EPB41L3: variants seen among roughly 807,000 people sequenced by gnomAD.
EPB41L3 encodes the protein band 4.1-like protein 3.
A neutral mutation model predicts 127.1 loss-of-function variants in EPB41L3; 57 were observed. The observed-to-expected ratio is 0.45, with a 90% CI of 0.36 to 0.56. EPB41L3 has a LOEUF of 0.56. Among genes scored for constraint, EPB41L3 ranks in the 20% least tolerant of loss-of-function variants. EPB41L3 has a pLI of 0.00. For synonymous variants in EPB41L3, 572 were observed against 549.5 expected (o/e 1.04, Z -0.57); for missense variants, 1,273 against 1,372.2 (o/e 0.93, Z 1.14).
intron 2 of EPB41L3, chr18:5,480,864 T>C (rs187256075): frequency 1.4e-4 from 22 of 152,274 alleles, no homozygotes; most frequent in African/African-American, 5.3e-4. Flanking sequence ...TTTTCTATAA[T>C]TATCTCCCAT....
intron 4 of EPB41L3, among the ~76,000 whole-genome samples, chr18:5,444,129 T>C (rs546742972): frequency 1.3e-5 from 2 of 152,302 alleles, no homozygotes; most frequent in East Asian, 1.9e-4. Context: ...TTTATAACCA[T>C]TGCCTTCAGG....
At chr18:5,427,494 T>C (rs2078357495) in intron 9 of EPB41L3, among the ~76,000 whole-genome samples, 1 of 152,036 alleles carries the variant, frequency 6.6e-6, no homozygotes, top group South Asian at 2.1e-4. Flanking sequence ...TCTCATTAGC[T>C]TCTCTGACTT....
chr18:5,553,710 C>T (rs1219650019), intron 3 of EPB41L3, among the ~76,000 whole-genome samples: 1 of 152,234 alleles, frequency 6.6e-6, no homozygotes, highest in Admixed American at 6.5e-5. Context: ...GCCTCTGGCA[C>T]CCTGGTGCAA....
At chr18:5,579,157 G>A (rs532393946) in intron 3 of EPB41L3, among the ~76,000 whole-genome samples, 3 of 152,264 alleles carry the variant, frequency 2.0e-5, no homozygotes, top group African/African-American at 7.2e-5. Flanking sequence ...TATACAACAA[G>A]ATGTCCTTTT....
chr18:5,592,996 T>C (rs1034669799), intron 3 of EPB41L3, among the ~76,000 whole-genome samples: 2 of 152,192 alleles, frequency 1.3e-5, no homozygotes, highest in Admixed American at 6.5e-5. Context: ...GCAGGTATCA[T>C]GTAGGGCAGT....
chr18:5,575,685 A>G (rs895258724), intron 3 of EPB41L3, among the ~76,000 whole-genome samples: 3 of 152,054 alleles, frequency 2.0e-5, no homozygotes, highest in Non-Finnish European at 4.4e-5. Flanking sequence ...AAAAATATAA[A>G]AAGTAGCCAG....
chr18:5,541,397 G>A (rs2093726771), intron 1 of EPB41L3, among the ~76,000 whole-genome samples: 1 of 151,976 alleles, frequency 6.6e-6, no homozygotes, highest in Non-Finnish European at 1.5e-5. Flanking sequence ...GAATTTTAGG[G>A]AAAGCACTAA....
intron 1 of EPB41L3, among the ~76,000 whole-genome samples, chr18:5,626,993 G>A (rs2094929571): frequency 1.3e-5 from 2 of 152,188 alleles, no homozygotes; most frequent in Admixed American, 1.3e-4. Flanking sequence ...GTAGAAGAGA[G>A]AGAAGGCAGG....
intron 3 of EPB41L3, among the ~76,000 whole-genome samples, chr18:5,578,340 T>C (rs996707394): frequency 1.3e-5 from 2 of 152,240 alleles, no homozygotes; most frequent in Admixed American, 6.5e-5. Context: ...GATACATATT[T>C]AAACAAAATC....
chr18:5,566,788 T>TATTCTATTCTATTCTATTCTATTCC (rs1555804087), intron 3 of EPB41L3, among the ~76,000 whole-genome samples: 13 of 112,528 alleles, frequency 1.2e-4, no homozygotes, highest in South Asian at 6.1e-4. Context: ...TATTCTATTC[T>TATTCTATTCTATTCTATTCTATTCC]ATTCCATTCC....
At chr18:5,481,795 G>A (rs949026674) in intron 2 of EPB41L3, among the ~76,000 whole-genome samples, 3 of 151,208 alleles carry the variant, frequency 2.0e-5, no homozygotes, top group African/African-American at 7.4e-5. Flanking sequence ...CCCTCATTCA[G>A]GACAAGCGGC....
chr18:5,554,890 T>C (rs983492971), intron 3 of EPB41L3, among the ~76,000 whole-genome samples: 1 of 152,198 alleles, frequency 6.6e-6, no homozygotes, highest in African/African-American at 2.4e-5. Flanking sequence ...CTCATATCAA[T>C]GGTTGCCATG....
At chr18:5,487,312 G>A (rs956020864) in intron 2 of EPB41L3, among the ~76,000 whole-genome samples, 4 of 151,898 alleles carry the variant, frequency 2.6e-5, no homozygotes, top group Admixed American at 1.3e-4. Context: ...TGGTGATTAC[G>A]TGAGGCTGGG....
intron 1 of EPB41L3, among the ~76,000 whole-genome samples, chr18:5,618,653 C>A (rs2094825587): frequency 6.6e-5 from 10 of 152,162 alleles, no homozygotes; most frequent in Admixed American, 6.5e-4. Context: ...AAACAAATTT[C>A]TGAATTCAAT....
intron 3 of EPB41L3, among the ~76,000 whole-genome samples, chr18:5,477,285 A>C (rs182715509): frequency 5.3e-5 from 8 of 152,314 alleles, no homozygotes; most frequent in Non-Finnish European, 1.0e-4. Flanking sequence ...GTGAGGACAC[A>C]CATGTGTGCA....
rs183218775 is a variant in EPB41L3, at chr18:5,506,591, G to C, written c.-11-17397C>G. 2.8e-4 allele frequency among the ~76,000 whole-genome samples: 42 copies of C among 152,082 alleles called. 1 individual carries two copies. Among genetic ancestry groups the C allele is most frequent in the African/African-American group, 8.2e-4 (34 of 41,474 alleles). On this transcript the variant is annotated intron_variant, in intron 1 of 22. Transcript: ENST00000341928. The stretch of plus-strand genomic sequence containing the variant: ...CTAGTCCAATACGCTACCTACTTCA[G>C]CTGCTTACTTTGGTTTTTACTGTCT...
At position 5,489,244 on chromosome 18, in the gene EPB41L3, C is replaced by T. The variant is rs749184637; in HGVS notation, c.-11-50G>A. On this transcript the variant is annotated intron_variant, in intron 1 of 22. Transcript: ENST00000341928. ...CAGGTCACTCCGTGCCACTACCTTC[C>T]CTCTGCAAGAAAACTAGGATGCTCA... 41 of 1,547,236 alleles carry T rather than the reference C, an allele frequency of 2.6e-5. No homozygotes were observed. In the Admixed American group the frequency reaches 8.8e-4, roughly 33 times the overall value.
chr18:5,420,034 C>CA, intron 11 of EPB41L3, 157 bp from the exon 12 acceptor site: 2 of 1,447,636 alleles, frequency 1.4e-6, no homozygotes, highest in Non-Finnish European at 1.8e-6. Context: ...AATACCAACA[C>CA]AAAATACCAG....
Position 5,618,827 on chromosome 18 carries a change from T to C in EPB41L3, c.-467-4404A>G, listed in dbSNP as rs536836141. Among the ~76,000 whole-genome samples the C allele has an allele frequency of 2.6e-5, 4 of 152,328 alleles. No homozygotes were observed. In the South Asian group the frequency reaches 8.3e-4, roughly 32 times the overall value. The stretch of plus-strand genomic sequence containing the variant: ...ATGTGTTTAGAACAGAACTTGGTAT[T>C]TTCAGCCCTAGTAGAATGCATGTGC... On this transcript the variant is annotated intron_variant, in intron 1 of 21. Transcript: ENST00000545076.
Sources: allele counts gnomAD v4.1 joint callset (sites outside exome capture counted in the v4.1 genomes callset), GRCh38; gene constraint gnomAD v4.1.1; transcripts MANE v1.5; gene names NCBI Gene and HGNC (gene_info 2026-07-23, HGNC 2026-07-21).